The following SOX6 variants were observed in gnomAD, a reference collection of about 807,000 sequenced individuals.
The protein encoded by SOX6 is transcription factor SOX-6.
Under a neutral mutation model 97.8 loss-of-function variants are expected in SOX6, and 11 were observed. The ratio of observed to expected loss-of-function variants is 0.11; its 90% CI spans 0.07 to 0.19. The LOEUF (loss-of-function observed/expected upper bound fraction) is 0.19, where lower values mean the gene tolerates loss of function less well. Among genes scored for constraint, SOX6 ranks in the 10% least tolerant of loss-of-function variants. The probability of loss-of-function intolerance (pLI) is 1.00; values close to 1 mark genes in which losing one functional copy is unlikely to be tolerated. For missense variants in SOX6, 810 were observed against 1,039.5 expected, an observed-to-expected ratio of 0.78 and a Z score of 3.04; for synonymous variants, 360 against 371.4, an observed-to-expected ratio of 0.97 and a Z score of 0.35.
chr11:16,508,145 G>C (rs532881735), intron 4 of SOX6, among the ~76,000 whole-genome samples: 1 of 152,076 alleles, frequency 6.6e-6, no homozygotes, highest in African/African-American at 2.4e-5. Context: ...ATGAAAAAAT[G>C]TTCAACATCA....
chr11:16,337,086 G>T (rs1856485053), intron 2 of SOX6, among the ~76,000 whole-genome samples: 1 of 152,008 alleles, frequency 6.6e-6, no homozygotes, highest in Non-Finnish European at 1.5e-5. Context: ...TGATAACAGG[G>T]ATCTTAACTA....
intron 4 of SOX6, among the ~76,000 whole-genome samples, chr11:16,511,891 A>AG (rs1860884259): frequency 1.3e-5 from 2 of 152,226 alleles, no homozygotes; most frequent in African/African-American, 4.8e-5. Context: ...AAGGAGATTA[A>AG]GGTTTTGAAC....
At chr11:16,494,847 G>A (rs1860569143) in intron 4 of SOX6, among the ~76,000 whole-genome samples, 1 of 152,134 alleles carries the variant, frequency 6.6e-6, no homozygotes, top group Admixed American at 6.5e-5. Flanking sequence ...ACCTTGGTGG[G>A]CACTGAGACT....
At chr11:16,202,732 T>G (rs1851973520) in intron 4 of SOX6, among the ~76,000 whole-genome samples, 1 of 152,122 alleles carries the variant, frequency 6.6e-6, no homozygotes, top group South Asian at 2.1e-4. Context: ...ACTAGAAGTT[T>G]CCAAGAATGG....
At chr11:16,603,968 C>T (rs539290080) in intron 4 of SOX6, among the ~76,000 whole-genome samples, 29 of 152,372 alleles carry the variant, frequency 1.9e-4, no homozygotes, top group South Asian at 8.3e-4. Context: ...CAAGCCCGTG[C>T]CTGCGGGCCT....
chr11:16,035,190 T>G (rs1185394070), intron 12 of SOX6, among the ~76,000 whole-genome samples: 1 of 152,130 alleles, frequency 6.6e-6, no homozygotes, highest in East Asian at 1.9e-4. Flanking sequence ...TCAAGGCGCA[T>G]CAGGACACAT....
intron 3 of SOX6, among the ~76,000 whole-genome samples, chr11:16,256,445 A>G (rs1853688313): frequency 6.6e-6 from 1 of 151,980 alleles, no homozygotes; most frequent in Non-Finnish European, 1.5e-5. Flanking sequence ...CAGGCTAACA[A>G]TGATAAATCA....
chr11:16,367,528 A>G (rs1445866075), intron 1 of SOX6, among the ~76,000 whole-genome samples: 1 of 152,212 alleles, frequency 6.6e-6, no homozygotes. Flanking sequence ...AAGTACAGAT[A>G]GTACTGCGTA....
intron 3 of SOX6, among the ~76,000 whole-genome samples, chr11:16,623,687 A>T (rs7935756): frequency 6.6e-6 from 1 of 151,998 alleles, no homozygotes; most frequent in Non-Finnish European, 1.5e-5. Context: ...GAATTTTTAC[A>T]GTTTCACGTC....
intron 6 of SOX6, among the ~76,000 whole-genome samples, chr11:16,122,466 G>T (rs1278807497): frequency 6.6e-6 from 1 of 151,860 alleles, no homozygotes; most frequent in African/African-American, 2.4e-5. Context: ...TTGTATAAAT[G>T]CCATTTAAAT....
At chr11:16,685,699 T>C (rs1243443103) in intron 3 of SOX6, among the ~76,000 whole-genome samples, 1 of 152,246 alleles carries the variant, frequency 6.6e-6, no homozygotes, top group African/African-American at 2.4e-5. Flanking sequence ...AAGCTGTCAG[T>C]GGATCTGTCA....
intron 4 of SOX6, among the ~76,000 whole-genome samples, chr11:16,606,695 C>CT (rs1848338688): frequency 6.6e-6 from 1 of 152,160 alleles, no homozygotes; most frequent in Non-Finnish European, 1.5e-5. Context: ...CGGACGAATA[C>CT]TTAGGATGGC....
At chr11:16,688,086 T>A (rs1847982693) in intron 3 of SOX6, among the ~76,000 whole-genome samples, 1 of 151,892 alleles carries the variant, frequency 6.6e-6, no homozygotes, top group East Asian at 1.9e-4. Context: ...GATGCTCCCA[T>A]CTCAGCCTCC....
At chr11:15,990,550 T>C (rs886499416) in intron 13 of SOX6, among the ~76,000 whole-genome samples, 1 of 152,174 alleles carries the variant, frequency 6.6e-6, no homozygotes, top group South Asian at 2.1e-4. Flanking sequence ...TAGTAAAATA[T>C]GTTATATTAA....
intron 12 of SOX6, among the ~76,000 whole-genome samples, chr11:16,033,238 T>C (rs1251007452): frequency 6.6e-6 from 1 of 152,216 alleles, no homozygotes. Flanking sequence ...TTTATTTGCA[T>C]CTACCTTACT....
chr11:16,632,413 CT>C (rs200562716), intron 3 of SOX6, among the ~76,000 whole-genome samples: 1,706 of 152,256 alleles, frequency 0.011, 23 homozygotes, highest in African/African-American at 0.039. Flanking sequence ...TAACAGTCAG[CT>C]TTTAGCTTGT....
Position 16,121,471 on chromosome 11 carries a change from A to G in SOX6, c.778-9548T>C, listed in dbSNP as rs140536058. Among the ~76,000 whole-genome samples the G allele has an allele frequency of 2.2e-3, 339 of 152,162 alleles. 2 individuals carry two copies. Among genetic ancestry groups the G allele is most frequent in the African/African-American group, 7.0e-3 (292 of 41,582 alleles). ...TGGTTCTGTGCTGGGCAGTAGAAAT[A>G]TAAAAGTGCCTTAAAGACATCTATA... On this transcript the variant is annotated intron_variant, in intron 6 of 15. Coordinates refer to ENST00000683767, the MANE Select transcript of SOX6 (RefSeq NM_001367873.1).
At chr11:16,450,050 A>T (rs1859690464) in intron 1 of SOX6, among the ~76,000 whole-genome samples, 8 of 152,206 alleles carry the variant, frequency 5.3e-5, no homozygotes, top group Admixed American at 5.2e-4. Flanking sequence ...GAGACTATCT[A>T]TTCCAGACAG....
Position 16,495,229 on chromosome 11 carries a change from C to G in SOX6, n.610-18841G>C, listed in dbSNP as rs185338914. Among the ~76,000 whole-genome samples, 404 of 152,268 alleles carry G rather than the reference C, an allele frequency of 2.7e-3. 1 individual carries two copies. The highest frequency in any genetic ancestry group is 9.1e-3 in the African/African-American group (377 of 41,570). On this transcript the variant is annotated intron_variant and non_coding_transcript_variant, in intron 4 of 5. Transcript: ENST00000524520. The stretch of plus-strand genomic sequence containing the variant: ...GGGGCCAAAGCACATGCTCCCTAGC[C>G]ACCTGTCTATAGCTGCTACCACTGA...
Sources: gnomAD v4.1 joint callset for allele counts (sites outside exome capture counted in the v4.1 genomes callset) on GRCh38, gnomAD v4.1.1 for gene constraint, MANE v1.5 for transcripts, NCBI Gene and HGNC (gene_info 2026-07-23, HGNC 2026-07-21) for gene names.